Variants in CSMD1 observed in about 807,000 individuals in gnomAD.
The protein encoded by CSMD1 is CUB and sushi domain-containing protein 1.
A neutral mutation model predicts 417.5 loss-of-function variants in CSMD1; 213 were observed. The ratio of observed to expected loss-of-function variants is 0.51; its 90% CI spans 0.46 to 0.57. The LOEUF (loss-of-function observed/expected upper bound fraction) is 0.57. CSMD1 is among the 20% of genes least tolerant of loss of function. The pLI is 0.00. For missense variants in CSMD1, 6,923 were observed against 4,529.7 expected, an observed-to-expected ratio of 1.53 and a Z score of -15.17; for synonymous variants, 2,862 against 1,736.8, an observed-to-expected ratio of 1.65 and a Z score of -16.11.
chr8:4,793,968 G>A (rs927250172), intron 1 of CSMD1, among the ~76,000 whole-genome samples: 2 of 152,112 alleles, frequency 1.3e-5, no homozygotes, highest in African/African-American at 2.4e-5. Flanking sequence ...GTTAGGAATA[G>A]TTAACTACAA....
intron 1 of CSMD1, among the ~76,000 whole-genome samples, chr8:4,679,185 G>T (rs1185227592): frequency 6.6e-6 from 1 of 152,068 alleles, no homozygotes; most frequent in African/African-American, 2.4e-5. Context: ...ATTGAATCTG[G>T]CTCTGGGAGC....
intron 5 of CSMD1, among the ~76,000 whole-genome samples, chr8:3,961,029 TAA>T (rs1812290197): frequency 6.6e-6 from 1 of 151,962 alleles, no homozygotes; most frequent in Non-Finnish European, 1.5e-5. Flanking sequence ...ATTCCCATTT[TAA>T]AAAAGAGGAA....
chr8:3,290,463 G>T (rs1469545434), intron 25 of CSMD1, among the ~76,000 whole-genome samples: 1 of 131,372 alleles, frequency 7.6e-6, no homozygotes, highest in Non-Finnish European at 1.6e-5. Context: ...CTATGAGCAT[G>T]GAATGTTCTT....
chr8:3,021,479 T>G (rs2128971014), intron 51 of CSMD1, among the ~76,000 whole-genome samples: 1 of 152,344 alleles, frequency 6.6e-6, no homozygotes, highest in East Asian at 1.9e-4. Flanking sequence ...TATGTTCTTT[T>G]TCCTCTGAAG....
At chr8:3,334,208 T>A (rs1019802671) in intron 23 of CSMD1, among the ~76,000 whole-genome samples, 7 of 152,172 alleles carry the variant, frequency 4.6e-5, no homozygotes, top group Non-Finnish European at 8.8e-5. Flanking sequence ...AAGCATTATC[T>A]CTCTTGATCA....
chr8:4,829,851 G>T (rs536966174), intron 1 of CSMD1, among the ~76,000 whole-genome samples: 1 of 152,150 alleles, frequency 6.6e-6, no homozygotes, highest in African/African-American at 2.4e-5. Flanking sequence ...TTGGGGACAA[G>T]GGGCTGGTCA....
intron 2 of CSMD1, among the ~76,000 whole-genome samples, chr8:4,584,216 C>T (rs1036416721): frequency 3.9e-5 from 6 of 152,120 alleles, no homozygotes; most frequent in Non-Finnish European, 5.9e-5. Flanking sequence ...GCTAGTGAGA[C>T]CAAGAACCCA....
intron 3 of CSMD1, among the ~76,000 whole-genome samples, chr8:4,319,914 C>G (rs10102515): frequency 1 from 152,088 of 152,280 alleles, 75,948 homozygotes; most frequent in Non-Finnish European, 1. Flanking sequence ...CACCGGAAAG[C>G]AGTAGGGAGT....
intron 23 of CSMD1, among the ~76,000 whole-genome samples, chr8:3,313,395 T>C (rs1380765699): frequency 2.6e-5 from 4 of 152,048 alleles, no homozygotes; most frequent in African/African-American, 4.8e-5. Flanking sequence ...ATATGCACAA[T>C]CTACAATGAA....
intron 5 of CSMD1, among the ~76,000 whole-genome samples, chr8:3,878,369 G>A (rs1055362740): frequency 5.9e-5 from 9 of 151,954 alleles, no homozygotes; most frequent in Admixed American, 3.9e-4. Context: ...TTTGATACAC[G>A]AAGAAAATCC....
intron 3 of CSMD1, among the ~76,000 whole-genome samples, chr8:4,229,992 C>A (rs1026523507): frequency 6.6e-6 from 1 of 152,160 alleles, no homozygotes; most frequent in Admixed American, 6.5e-5. Context: ...ACACTTAAGT[C>A]TGTAATAAAT....
chr8:4,027,057 A>G (rs1247149148), intron 4 of CSMD1, among the ~76,000 whole-genome samples: 1 of 152,224 alleles, frequency 6.6e-6, no homozygotes, highest in East Asian at 1.9e-4. Flanking sequence ...AAAGAAGCAG[A>G]TAGTTCTCAG....
intron 4 of CSMD1, among the ~76,000 whole-genome samples, chr8:4,004,887 G>A (rs1440004749): frequency 2.6e-5 from 4 of 152,070 alleles, no homozygotes; most frequent in African/African-American, 9.7e-5. Flanking sequence ...TGGGACTACA[G>A]GCGCCCGCCA....
intron 8 of CSMD1, among the ~76,000 whole-genome samples, chr8:3,597,090 G>A (rs1243408579): frequency 1.3e-5 from 2 of 152,186 alleles, no homozygotes; most frequent in South Asian, 4.1e-4. Flanking sequence ...CCCAAACGCT[G>A]GCTGCACTGA....
chr8:4,178,978 A>G (rs560020299), intron 3 of CSMD1, among the ~76,000 whole-genome samples: 92 of 152,312 alleles, frequency 6.0e-4, no homozygotes, highest in African/African-American at 2.1e-3. Flanking sequence ...GGAAGAATCA[A>G]TATCGTGAAA....
intron 25 of CSMD1, among the ~76,000 whole-genome samples, chr8:3,307,357 T>C (rs897028513): frequency 9.9e-5 from 15 of 151,996 alleles, no homozygotes; most frequent in Admixed American, 7.9e-4. Flanking sequence ...CCTGGACTGC[T>C]CATCCCCAGG....
intron 26 of CSMD1, among the ~76,000 whole-genome samples, chr8:3,233,408 C>T (rs940408759): frequency 6.6e-6 from 1 of 152,148 alleles, no homozygotes; most frequent in African/African-American, 2.4e-5. Context: ...TGTGGTCCCT[C>T]GACCTTGGAC....
At chr8:4,791,958 T>A (rs930944749) in intron 1 of CSMD1, among the ~76,000 whole-genome samples, 1 of 151,728 alleles carries the variant, frequency 6.6e-6, no homozygotes. Context: ...TTTTTTTAAA[T>A]ACAAGATTGT....
At chr8:3,324,636 C>T (rs1806403301) in intron 23 of CSMD1, among the ~76,000 whole-genome samples, 1 of 150,270 alleles carries the variant, frequency 6.7e-6, no homozygotes, top group Non-Finnish European at 1.5e-5. Flanking sequence ...TTAAAATAGG[C>T]CCACACCCCA....
Sources: gnomAD v4.1 joint callset for allele counts (sites outside exome capture counted in the v4.1 genomes callset) on GRCh38, gnomAD v4.1.1 for gene constraint, MANE v1.5 for transcripts, NCBI Gene and HGNC (gene_info 2026-07-23, HGNC 2026-07-21) for gene names.